Variants in ACOT1 observed in about 807,000 individuals in gnomAD.
ACOT1 encodes acyl-CoA thioesterase 1, also known as acyl-coenzyme A thioesterase 1.
ACOT1 carries 8 observed loss-of-function variants against 15.7 expected under a neutral mutation model. That is an observed-to-expected ratio of 0.51 (90% CI 0.30 to 0.92). ACOT1 has a LOEUF of 0.92. Ranked by LOEUF, ACOT1 falls within the 40% of genes least tolerant of loss-of-function variation. The probability of loss-of-function intolerance (pLI) is 0.06; values close to 1 mark genes in which losing one functional copy is unlikely to be tolerated. For missense variants in ACOT1, 151 were observed against 539.4 expected (o/e 0.28, Z 7.13); for synonymous variants, 67 against 241.2 (o/e 0.28, Z 6.69).
intron 1 of ACOT1, among the ~76,000 whole-genome samples, chr14:73,538,934 C>G (rs2140311573): frequency 8.7e-6 from 1 of 115,452 alleles, no homozygotes; most frequent in African/African-American, 2.8e-5. Context: ...CGCCATTGTA[C>G]TCCAGCCTGG....
At chr14:73,532,646 C>G (rs1595149744), upstream of ACOT1, among the ~76,000 whole-genome samples, 1 of 115,256 alleles carries the variant, frequency 8.7e-6, no homozygotes, top group Non-Finnish European at 1.9e-5. Flanking sequence ...CGAGAGGGTA[C>G]GTTTTTGGTA....
chr14:73,504,224 T>C, the ACOT1 span, among the ~76,000 whole-genome samples: 1 of 151,260 alleles, frequency 6.6e-6, no homozygotes, highest in Non-Finnish European at 1.5e-5. Flanking sequence ...ATTATGGGCA[T>C]GTGCCACCAA....
chr14:73,517,694 A>G, the ACOT1 span, among the ~76,000 whole-genome samples: 2 of 144,146 alleles, frequency 1.4e-5, no homozygotes, highest in Admixed American at 7.0e-5. Context: ...AGAAGAAAAG[A>G]GAGAGAGGGA....
chr14:73,495,062 A>G, the ACOT1 span, among the ~76,000 whole-genome samples: 4 of 19,018 alleles, frequency 2.1e-4, no homozygotes, highest in African/African-American at 8.1e-4. Context: ...ACAAACAAAC[A>G]AAAAAAAAAC....
chr14:73,498,623 A>G, the ACOT1 span, among the ~76,000 whole-genome samples: 2 of 152,232 alleles, frequency 1.3e-5, no homozygotes, highest in Admixed American at 1.3e-4. Flanking sequence ...TGATGGGGAA[A>G]GGAGGCACAA....
chr14:73,533,669 G>A (rs1289259156), upstream of ACOT1, among the ~76,000 whole-genome samples: 1 of 112,932 alleles, frequency 8.9e-6, no homozygotes, highest in African/African-American at 2.9e-5. Context: ...GACAGAGCAA[G>A]ACTCCAAAAG....
chr14:73,538,873 C>G lies in ACOT1; in HGVS notation c.457+995C>G, dbSNP rs1200708338. 8.0e-5 allele frequency among the ~76,000 whole-genome samples: 9 copies of G among 112,392 alleles called. 1 individual carries two copies. The highest frequency in any genetic ancestry group is 2.6e-4 in the African/African-American group (9 of 34,386). The allele number at this position is 112,392 out of a possible 152,430, so 73.7% of individuals were successfully genotyped here. On this transcript the variant is annotated intron_variant, in intron 1 of 2. Transcript: ENST00000311148. ...GTCCCACCTACTCGGGAGTCTGAGGCAGGAGAATCGCTGGAACCCTGGAGG... is the reference window on the plus strand; with the variant it reads ...GTCCCACCTACTCGGGAGTCTGAGGGAGGAGAATCGCTGGAACCCTGGAGG...
the ACOT1 span, chr14:73,508,262 A>C: frequency 6.2e-7 from 1 of 1,613,974 alleles, no homozygotes; most frequent in Non-Finnish European, 8.5e-7. Context: ...AGAGCCAAGC[A>C]CTGAGCTGCA....
the ACOT1 span, among the ~76,000 whole-genome samples, chr14:73,524,514 A>G: frequency 6.6e-6 from 1 of 150,956 alleles, no homozygotes; most frequent in Non-Finnish European, 1.5e-5. Flanking sequence ...TGGCCTAATA[A>G]TGATAGTTTT....
the ACOT1 span, chr14:73,503,082 G>A: frequency 7.8e-7 from 1 of 1,274,232 alleles, no homozygotes; most frequent in Non-Finnish European, 1.1e-6. Context: ...GCGTTGTGCT[G>A]TTTTTTCTTC....
the ACOT1 span, among the ~76,000 whole-genome samples, chr14:73,517,673 AAAAAAAAAG>A: frequency 6.7e-6 from 1 of 149,904 alleles, no homozygotes; most frequent in African/African-American, 2.5e-5. Flanking sequence ...GTCAAAAAAA[AAAAAAAAAG>A]AAGAAGAAAA....
the ACOT1 span, among the ~76,000 whole-genome samples, chr14:73,517,065 G>T: frequency 1.3e-5 from 2 of 152,246 alleles, no homozygotes; most frequent in South Asian, 4.2e-4. Flanking sequence ...AGGACCCCTT[G>T]TGGCCAGGAG....
chr14:73,498,974 G>T, the ACOT1 span: 58 of 993,624 alleles, frequency 5.8e-5, no homozygotes, highest in Non-Finnish European at 9.2e-5. Context: ...TACCTCTCCT[G>T]CACTTCACCC....
chr14:73,498,157 T>C, the ACOT1 span: 2 of 1,609,918 alleles, frequency 1.2e-6, no homozygotes, highest in Non-Finnish European at 1.7e-6. Flanking sequence ...GTGCTTACTT[T>C]AGAACAGCAT....
chr14:73,505,428 G>A, the ACOT1 span, among the ~76,000 whole-genome samples: 4 of 151,102 alleles, frequency 2.6e-5, no homozygotes, highest in East Asian at 1.9e-4. Flanking sequence ...ACAGAGTCTC[G>A]CACTGTCGCC....
At chr14:73,514,281 C>T in the ACOT1 span, 1 of 1,555,556 alleles carries the variant, frequency 6.4e-7, no homozygotes, top group Non-Finnish European at 8.8e-7. Flanking sequence ...CTGCCTTAGG[C>T]CCTGCCACAC....
chr14:73,500,554 T>C, the ACOT1 span: 1 of 1,612,594 alleles, frequency 6.2e-7, no homozygotes, highest in Admixed American at 1.7e-5. Context: ...ACTCACCATC[T>C]TGTCGCGGAT....
At chr14:73,533,414 C>G (rs1401914340), upstream of ACOT1, among the ~76,000 whole-genome samples, 2 of 115,892 alleles carry the variant, frequency 1.7e-5, 1 homozygote, top group South Asian at 5.5e-4. Flanking sequence ...CGTGGTGGCT[C>G]AGGCCTGTAA....
At chr14:73,508,169 A>T in the ACOT1 span, 6 of 1,613,974 alleles carry the variant, frequency 3.7e-6, no homozygotes, top group African/African-American at 5.3e-5. Context: ...AGGATATAAG[A>T]CTGTTCCTCA....
Sources: allele counts gnomAD v4.1 joint callset (sites outside exome capture counted in the v4.1 genomes callset), GRCh38; gene constraint gnomAD v4.1.1; transcripts MANE v1.5; gene names NCBI Gene and HGNC (gene_info 2026-07-23, HGNC 2026-07-21).